SHROOM3: variants seen among roughly 807,000 people sequenced by gnomAD.
The protein encoded by SHROOM3 is protein Shroom3.
A neutral mutation model predicts 138.6 loss-of-function variants in SHROOM3; 47 were observed. That is an observed-to-expected ratio of 0.34 (90% CI 0.27 to 0.43). SHROOM3 has a LOEUF of 0.43. Among genes scored for constraint, SHROOM3 ranks in the 20% least tolerant of loss-of-function variants. SHROOM3 has a pLI of 1.00. For synonymous variants in SHROOM3, 1,062 were observed against 1,063.3 expected (o/e 1.00, Z 0.02); for missense variants, 2,491 against 2,596.5 (o/e 0.96, Z 0.88).
Position 76,781,031 on chromosome 4 carries a change from GA to G in SHROOM3, c.*1856del, listed in dbSNP as rs982219194. ...TTATTCTTAGTGAAATTCCTCAGAG[GA>G]ATCCAGGGGGCTCCCAGTTCCCAAC... On this transcript the variant is annotated 3_prime_UTR_variant, in exon 11 of 11. Transcript: ENST00000296043. The G allele has an allele frequency of 6.6e-6, 1 of 152,174 alleles. No individual in the cohort carries two copies. Among genetic ancestry groups the G allele is most frequent in the Non-Finnish European group, 1.5e-5 (1 of 68,044 alleles). 9.4% of individuals were successfully genotyped at this position (152,174 alleles called of 1,614,324 possible).
At chr4:76,747,568 T>C (rs1721479944) in intron 5 of SHROOM3, among the ~76,000 whole-genome samples, 1 of 152,300 alleles carries the variant, frequency 6.6e-6, no homozygotes, top group East Asian at 1.9e-4. Context: ...CAAAACGAAA[T>C]GCAAAGGATG....
chr4:76,595,902 A>G (rs187888196), intron 2 of SHROOM3, among the ~76,000 whole-genome samples: 1 of 152,302 alleles, frequency 6.6e-6, no homozygotes, highest in Non-Finnish European at 1.5e-5. Context: ...CTTTTTGTAC[A>G]TGGAGTCTAA....
At chr4:76,707,695 A>C (rs1436839936) in intron 2 of SHROOM3, among the ~76,000 whole-genome samples, 1 of 152,184 alleles carries the variant, frequency 6.6e-6, no homozygotes, top group Admixed American at 6.5e-5. Context: ...GGGCAAAGAA[A>C]CAATTCCAGG....
At chr4:76,482,839 A>G (rs1337704808) in intron 1 of SHROOM3, among the ~76,000 whole-genome samples, 1 of 152,210 alleles carries the variant, frequency 6.6e-6, no homozygotes, top group Non-Finnish European at 1.5e-5. Context: ...CCTCAGAAGT[A>G]ATGCCACACA....
chr4:76,693,176 C>T (rs560091699), intron 2 of SHROOM3, among the ~76,000 whole-genome samples: 3 of 152,220 alleles, frequency 2.0e-5, no homozygotes, highest in South Asian at 4.2e-4. Context: ...ACTGAAGGTA[C>T]TTAGCTTAGT....
chr4:76,650,597 T>A (rs1341679597), intron 2 of SHROOM3, among the ~76,000 whole-genome samples: 2 of 151,922 alleles, frequency 1.3e-5, no homozygotes, highest in African/African-American at 2.4e-5. Context: ...CAGGCTGGAG[T>A]GCAGCGGTAC....
At chr4:76,439,558 T>C (rs901433299) in intron 1 of SHROOM3, among the ~76,000 whole-genome samples, 5 of 152,062 alleles carry the variant, frequency 3.3e-5, no homozygotes, top group African/African-American at 4.8e-5. Context: ...ATCATGCGTA[T>C]ACTAGATCTT....
At chr4:76,475,093 C>T (rs1731457689) in intron 1 of SHROOM3, among the ~76,000 whole-genome samples, 1 of 151,994 alleles carries the variant, frequency 6.6e-6, no homozygotes, top group African/African-American at 2.4e-5. Context: ...TTAGGGAATA[C>T]ATATGATTTT....
intron 2 of SHROOM3, among the ~76,000 whole-genome samples, chr4:76,613,154 G>A (rs1041798385): frequency 8.5e-5 from 13 of 152,084 alleles, no homozygotes; most frequent in South Asian, 2.1e-4. Flanking sequence ...GTGGTTCAGC[G>A]TTCCTCCTCA....
intron 2 of SHROOM3, among the ~76,000 whole-genome samples, chr4:76,572,336 C>G (rs548137316): frequency 6.6e-6 from 1 of 152,058 alleles, no homozygotes; most frequent in Admixed American, 6.5e-5. Context: ...AACTGTATAC[C>G]GTGATAGGTG....
At chr4:76,464,360 A>G (rs1044505545) in intron 1 of SHROOM3, among the ~76,000 whole-genome samples, 1 of 151,910 alleles carries the variant, frequency 6.6e-6, no homozygotes, top group African/African-American at 2.4e-5. Context: ...TTGGAAAGGG[A>G]GCATTTACCC....
intron 3 of SHROOM3, among the ~76,000 whole-genome samples, chr4:76,723,285 C>A (rs1358618551): frequency 6.6e-6 from 1 of 152,108 alleles, no homozygotes; most frequent in Non-Finnish European, 1.5e-5. Flanking sequence ...GAATTTTATA[C>A]CATCTGCTCT....
chr4:76,518,898 A>C (rs1293354926), intron 1 of SHROOM3, among the ~76,000 whole-genome samples: 1 of 152,216 alleles, frequency 6.6e-6, no homozygotes. Flanking sequence ...CATAGAGATT[A>C]CATACCCTAG....
chr4:76,699,178 T>C (rs1248927999), intron 2 of SHROOM3, among the ~76,000 whole-genome samples: 1 of 152,212 alleles, frequency 6.6e-6, no homozygotes, highest in Non-Finnish European at 1.5e-5. Context: ...CTGGCAGAGA[T>C]CAGATTAGAA....
At chr4:76,621,534 T>C (rs569480018) in intron 2 of SHROOM3, among the ~76,000 whole-genome samples, 1 of 152,330 alleles carries the variant, frequency 6.6e-6, no homozygotes, top group South Asian at 2.1e-4. Context: ...AAGCTTGATT[T>C]TCTCACCATC....
intron 1 of SHROOM3, among the ~76,000 whole-genome samples, chr4:76,540,440 A>T (rs1199344707): frequency 1.3e-5 from 2 of 152,222 alleles, no homozygotes; most frequent in Non-Finnish European, 2.9e-5. Flanking sequence ...CTTTCTCAAT[A>T]TCATAAGTCT....
At chr4:76,512,363 CT>C (rs887989821) in intron 1 of SHROOM3, among the ~76,000 whole-genome samples, 14 of 151,134 alleles carry the variant, frequency 9.3e-5, no homozygotes, top group African/African-American at 2.7e-4. Flanking sequence ...TAAACAGAGC[CT>C]TTTTTTTTCA....
intron 3 of SHROOM3, chr4:76,716,413 A>G (rs1027743673): frequency 5.8e-6 from 3 of 519,034 alleles, no homozygotes; most frequent in Admixed American, 1.9e-5. Context: ...GCCACAAGGT[A>G]AGTTCAGTAT....
Position 76,754,978 on chromosome 4 carries a change from C to T in SHROOM3, c.4495C>T (p.Pro1499Ser), listed in dbSNP as rs776949488. The change falls in exon 7 of 11, where the codon CCA becomes TCA. Residue 1499 changes from proline to serine, a missense_variant. Coordinates refer to ENST00000296043, the MANE Select transcript of SHROOM3 (RefSeq NM_020859.4). ...ISESVLRDSP[P>S]PHEDYEDEVF... Reference sequence around the variant, plus strand: ...TGAGTCTGTCCTGCGGGACTCCCCGCCACCTCATGAGGATTATGAAGACGA... The same window carrying T: ...TGAGTCTGTCCTGCGGGACTCCCCGTCACCTCATGAGGATTATGAAGACGA... The T allele has an allele frequency of 5.6e-6, 9 of 1,614,090 alleles. No individual in the cohort carries two copies. The highest frequency in any genetic ancestry group is 7.6e-6 in the Non-Finnish European group (9 of 1,179,944).
Sources: gnomAD v4.1 joint callset for allele counts (sites outside exome capture counted in the v4.1 genomes callset) on GRCh38, gnomAD v4.1.1 for gene constraint, MANE v1.5 for transcripts, NCBI Gene and HGNC (gene_info 2026-07-23, HGNC 2026-07-21) for gene names.